Variants in TBPL2 observed in about 807,000 individuals in gnomAD.
TBPL2 encodes TATA box-binding protein-like 2.
In TBPL2, 40 loss-of-function variants were observed where a neutral mutation model predicts 38.2. That is an observed-to-expected ratio of 1.05 (90% confidence interval 0.81 to 1.36). The LOEUF (loss-of-function observed/expected upper bound fraction) is 1.36, where lower values mean the gene tolerates loss of function less well. TBPL2 is among the 40% of genes most tolerant of loss of function. The pLI is 0.00. For synonymous variants in TBPL2, 169 were observed against 171.7 expected (o/e 0.98, Z 0.12); for missense variants, 461 against 456.7 (o/e 1.01, Z -0.09).
At chr14:55,427,671 T>C (rs1437456842) in intron 5 of TBPL2, among the ~76,000 whole-genome samples, 1 of 152,072 alleles carries the variant, frequency 6.6e-6, no homozygotes, top group Non-Finnish European at 1.5e-5. Context: ...CCTCCATCCC[T>C]GCTCTCTGAG....
intron 5 of TBPL2, among the ~76,000 whole-genome samples, chr14:55,427,004 A>G (rs1885835695): frequency 6.6e-6 from 1 of 152,202 alleles, no homozygotes; most frequent in African/African-American, 2.4e-5. Context: ...TGTAGACACA[A>G]CCTTAGAGTT....
chr14:55,440,335 C>T (rs1019977975), intron 1 of TBPL2, 61 bp downstream of exon 1: 19 of 1,597,426 alleles, frequency 1.2e-5, no homozygotes, highest in Non-Finnish European at 1.5e-5. Flanking sequence ...AAGGCAAAGC[C>T]CTTGGCACAG....
At chr14:55,435,349 C>T (rs1264144776) in intron 3 of TBPL2, among the ~76,000 whole-genome samples, 3 of 149,776 alleles carry the variant, frequency 2.0e-5, no homozygotes, top group Admixed American at 2.0e-4. Flanking sequence ...GATCTTGGCT[C>T]ACTGCAACCT....
chr14:55,437,590 A>T (rs1886037076), intron 1 of TBPL2, among the ~76,000 whole-genome samples: 1 of 152,246 alleles, frequency 6.6e-6, no homozygotes, highest in Non-Finnish European at 1.5e-5. Context: ...TTAGATCTCT[A>T]GTAAGTTGCC....
At position 55,428,229 on chromosome 14, in the gene TBPL2, TG is replaced by T. The variant is rs200921510; in HGVS notation, c.956+577del. On this transcript the variant is annotated intron_variant, in intron 5 of 6. Coordinates refer to ENST00000247219, the Ensembl canonical transcript of TBPL2. ...ACTGCAAGCTCCACCTCCTGGGTTC[TG>T]GCCATTCTTCTGCCTCAGCCTCCCG... Among the ~76,000 whole-genome samples, 376 of 145,020 alleles carry T rather than the reference TG, an allele frequency of 2.6e-3. 14 individuals carry two copies. In the East Asian group the frequency reaches 0.075, roughly 29 times the overall value.
rs377607153 is a variant in TBPL2, at chr14:55,436,948, G to C, written c.221C>G (p.Ala74Gly). 1.4e-5 allele frequency: 22 copies of C among 1,614,116 alleles called. No individual in the cohort carries two copies. In the African/African-American group the frequency reaches 2.3e-4, roughly 17 times the overall value. The change falls in exon 2 of 7, where the codon GCA becomes GGA. Residue 74 changes from alanine (A) to glycine (G), a missense_variant. Transcript: ENST00000247219. ...ATTAAATGCAGTATCCGGATTGGAT[G>C]CATTCAGTATGTACATATCATAAGG...
intron 4 of TBPL2, among the ~76,000 whole-genome samples, chr14:55,431,871 A>G (rs902538882): frequency 1.3e-5 from 2 of 152,256 alleles, no homozygotes; most frequent in African/African-American, 4.8e-5. Flanking sequence ...ACTAGTGGCT[A>G]TATCATTGCA....
exon 7 of TBPL2, chr14:55,414,342 T>A: frequency 6.7e-7 from 1 of 1,499,216 alleles, no homozygotes; most frequent in South Asian, 1.2e-5. Flanking sequence ...TATGGACATA[T>A]TCAAACCAGA....
chr14:55,427,455 A>C (rs1446284926), intron 5 of TBPL2, among the ~76,000 whole-genome samples: 1 of 152,228 alleles, frequency 6.6e-6, no homozygotes, highest in East Asian at 1.9e-4. Flanking sequence ...AACAAATGTT[A>C]GGGAAAGCAC....
chr14:55,431,309 A>G (rs947363902), intron 4 of TBPL2, among the ~76,000 whole-genome samples: 2 of 152,248 alleles, frequency 1.3e-5, no homozygotes, highest in Non-Finnish European at 2.9e-5. Flanking sequence ...TTTAGGAATA[A>G]ATTCAGATAA....
At chr14:55,429,028 T>C in intron 4 of TBPL2, 54 bp from the exon 5 acceptor site, 2 of 1,588,370 alleles carry the variant, frequency 1.3e-6, no homozygotes, top group Non-Finnish European at 1.7e-6. Flanking sequence ...TCCTCTCAAC[T>C]ACTGGTGTTG....
At chr14:55,435,161 A>G (rs576517530) in intron 3 of TBPL2, among the ~76,000 whole-genome samples, 1 of 152,348 alleles carries the variant, frequency 6.6e-6, no homozygotes, top group South Asian at 2.1e-4. Flanking sequence ...CTCAGATAAG[A>G]GGAATTGTAA....
In TBPL2 at chr14:55,426,898, G is replaced by C. The variant is rs1009240571; in HGVS notation, c.956+1909C>G. ...TCTAGACTTAGATCTGCTCTGCAAG[G>C]AAGATGCTGGTGAAAAAGAAATGAA... is the stretch of plus-strand genomic sequence containing the variant. On this transcript the variant is annotated intron_variant, in intron 5 of 6. Transcript: ENST00000247219. Among the ~76,000 whole-genome samples the C allele has an allele frequency of 7.2e-5, 11 of 152,318 alleles. No individual in the cohort carries two copies. In the East Asian group the frequency reaches 2.1e-3, roughly 29 times the overall value.
chr14:55,433,135 T>C (rs1178819986), intron 4 of TBPL2, among the ~76,000 whole-genome samples: 4 of 151,642 alleles, frequency 2.6e-5, no homozygotes, highest in African/African-American at 9.7e-5. Flanking sequence ...TATTTTATTA[T>C]TTTTTTTAAT....
intron 3 of TBPL2, 95 bp downstream of exon 3, chr14:55,435,752 G>GA (rs149591724): frequency 0.076 from 70,585 of 934,184 alleles, 3,003 homozygotes; most frequent in Non-Finnish European, 0.086. Context: ...AATTTTTTAA[G>GA]AAAAAACAGA....
At chr14:55,435,523 C>T (rs1024613558) in intron 3 of TBPL2, among the ~76,000 whole-genome samples, 1 of 152,092 alleles carries the variant, frequency 6.6e-6, no homozygotes, top group Non-Finnish European at 1.5e-5. Context: ...ATCCACCTGC[C>T]TCAGCCTCCC....
Position 55,436,545 on chromosome 14 carries a change from A to G in TBPL2, c.608+16T>C. ...TGTACCCAATGTGCTCAATTAAAAC[A>G]AAAATAAAAACTTACTGTAGTTGAG... On this transcript the variant is annotated intron_variant, in intron 2 of 6. Transcript: ENST00000247219. The G allele has an allele frequency of 6.2e-7, 1 of 1,608,182 alleles. No individual in the cohort carries two copies. The highest frequency in any genetic ancestry group is 8.5e-7 in the Non-Finnish European group (1 of 1,175,236).
chr14:55,433,014 C>A (rs1885956460), intron 4 of TBPL2, among the ~76,000 whole-genome samples: 1 of 152,234 alleles, frequency 6.6e-6, no homozygotes, highest in African/African-American at 2.4e-5. Context: ...ACTTATAACA[C>A]ACTTCATCAT....
At chr14:55,414,328 G>T in exon 7 of TBPL2, 2 of 1,345,978 alleles carry the variant, frequency 1.5e-6, no homozygotes, top group Non-Finnish European at 1.0e-6. Context: ...TTCTGTGCTG[G>T]GCTTATGGAC....
Sources: allele counts gnomAD v4.1 joint callset (sites outside exome capture counted in the v4.1 genomes callset), GRCh38; gene constraint gnomAD v4.1.1; transcripts MANE v1.5; gene names NCBI Gene and HGNC (gene_info 2026-07-23, HGNC 2026-07-21).